IGSF21: variants seen among roughly 807,000 people sequenced by gnomAD.
IGSF21 encodes the protein immunoglobulin superfamily member 21.
In IGSF21, 28 loss-of-function variants were observed where a neutral mutation model predicts 46.8. The ratio of observed to expected loss-of-function variants is 0.60; its 90% CI spans 0.44 to 0.82. The LOEUF is 0.82. IGSF21 is among the 40% of genes least tolerant of loss of function. IGSF21 has a pLI of 0.00. For missense variants in IGSF21, 624 were observed against 665.5 expected, an observed-to-expected ratio of 0.94 and a Z score of 0.69; for synonymous variants, 284 against 273.6, an observed-to-expected ratio of 1.04 and a Z score of -0.38.
rs571506838 is a variant in IGSF21, at chr1:18,354,936, A to G, written c.425-7179A>G. On this transcript the variant is annotated intron_variant, in intron 4 of 9. Transcript: ENST00000251296. ...ACTTTGCTATCCTTACAGAAGGTTT[A>G]TGTTTATTTTCCATTTGCTTCTCAT... is the stretch of plus-strand genomic sequence containing the variant. Among the ~76,000 whole-genome samples the G allele has an allele frequency of 4.9e-5, 7 of 141,802 alleles. No homozygotes were observed. The South Asian group carries it at 1.6e-3, about 32-fold the overall frequency. 93.0% of individuals were successfully genotyped at this position (141,802 alleles called of 152,430 possible).
intron 2 of IGSF21, among the ~76,000 whole-genome samples, chr1:18,245,277 C>T (rs223173): frequency 0.96 from 146,035 of 152,292 alleles, 70,317 homozygotes; most frequent in East Asian, 1. Context: ...ATTAAATGCT[C>T]CTTAAAAATC....
At chr1:18,360,206 T>C (rs139854386) in intron 4 of IGSF21, among the ~76,000 whole-genome samples, 1 of 152,322 alleles carries the variant, frequency 6.6e-6, no homozygotes, top group Non-Finnish European at 1.5e-5. Context: ...TTCTAGGTAA[T>C]TGACGTGTTC....
At chr1:18,205,277 T>A (rs2124485695) in intron 1 of IGSF21, among the ~76,000 whole-genome samples, 1 of 152,280 alleles carries the variant, frequency 6.6e-6, no homozygotes, top group South Asian at 2.1e-4. Flanking sequence ...ACCTGGGTTA[T>A]TTTTTATTTT....
chr1:18,261,668 TG>T (rs1191575592), intron 2 of IGSF21, among the ~76,000 whole-genome samples: 1 of 152,250 alleles, frequency 6.6e-6, no homozygotes, highest in Non-Finnish European at 1.5e-5. Context: ...CTTGGCCCTC[TG>T]GGCCAGAACA....
In IGSF21 at chr1:18,334,906, G is replaced by T. The variant is rs139350650; in HGVS notation, c.320G>T (p.Arg107Leu). 6.2e-7 allele frequency: 1 copy of T among 1,613,932 alleles called. No individual in the cohort carries two copies. Among genetic ancestry groups the T allele is most frequent in the Non-Finnish European group, 8.5e-7 (1 of 1,179,876 alleles). Residue 107 changes from arginine to leucine, a missense_variant, in exon 4 of 10, where the codon CGG (arginine) becomes CTG (leucine). Physicochemically the swap from Arg to Leu is moderately radical, Grantham distance 102. Coordinates refer to ENST00000251296, the MANE Select transcript of IGSF21 (RefSeq NM_032880.5). The surrounding 1 kb of genome is among the most constrained non-coding windows in gnomAD (Gnocchi z 4.3). ...YQSTVRLPEV[R>L]ISDNGPYECH... ...GCCTCCCCCAGGCTGCCCGAGGTCC[G>T]GATCTCAGACAATGGTCCCTATGAG...
rs35912582 is a variant in IGSF21, at chr1:18,290,784, TC to T, written c.184-1076del. 1.3e-4 allele frequency among the ~76,000 whole-genome samples: 20 copies of T among 151,860 alleles called. No individual in the cohort carries two copies. Among genetic ancestry groups the T allele is most frequent in the Non-Finnish European group, 2.5e-4 (17 of 67,962 alleles). ...TTGCCTGGGGAAGCTGCTTTCAGCA[TC>T]CCCCCTACCCCAGCCCCTTGGAGTC... On this transcript the variant is annotated intron_variant, in intron 2 of 9. Coordinates refer to ENST00000251296, the MANE Select transcript of IGSF21 (RefSeq NM_032880.5). This position sits in a 1 kb window ranked among gnomAD's most constrained non-coding sequence, Gnocchi z 4.2.
chr1:18,319,365 A>C (rs139026929), intron 3 of IGSF21, among the ~76,000 whole-genome samples: 1,734 of 152,366 alleles, frequency 0.011, 22 homozygotes, highest in Admixed American at 0.02. Context: ...GAACTTAGTC[A>C]CATGGCCACC....
chr1:18,255,416 C>T (rs2084882779), intron 2 of IGSF21, among the ~76,000 whole-genome samples: 1 of 152,102 alleles, frequency 6.6e-6, no homozygotes, highest in Non-Finnish European at 1.5e-5. Flanking sequence ...GTGATTGGGA[C>T]AGACATGGAC....
At chr1:18,108,249 C>A (rs1016195912) in intron 1 of IGSF21, 51 bp downstream of exon 1, 60 of 1,311,708 alleles carry the variant, frequency 4.6e-5, no homozygotes, top group Non-Finnish European at 5.6e-5. Flanking sequence ...TGCGCGGGGA[C>A]GGGGTGCCGG....
At chr1:18,372,083 G>A (rs759248300) in intron 6 of IGSF21, among the ~76,000 whole-genome samples, 3 of 152,156 alleles carry the variant, frequency 2.0e-5, no homozygotes, top group African/African-American at 4.8e-5. Context: ...CAAACTCTGC[G>A]CATTCCCATC....
chr1:18,262,915 C>T (rs365057), intron 2 of IGSF21, among the ~76,000 whole-genome samples: 61,891 of 152,002 alleles, frequency 0.41, 13,817 homozygotes, highest in African/African-American at 0.6. Flanking sequence ...CACTGAATGC[C>T]GTGGGAATGG....
chr1:18,300,030 C>T (rs2085346149), intron 3 of IGSF21, among the ~76,000 whole-genome samples: 1 of 152,134 alleles, frequency 6.6e-6, no homozygotes, highest in Admixed American at 6.5e-5. Flanking sequence ...TTCAAAACCA[C>T]ACTGGGCAAA....
At chr1:18,225,113 ACACAC>A (rs1236382204) in intron 1 of IGSF21, among the ~76,000 whole-genome samples, 13 of 147,144 alleles carry the variant, frequency 8.8e-5, no homozygotes, top group Non-Finnish European at 1.6e-4. Context: ...ACACACACAC[ACACAC>A]ACACACACAC....
intron 2 of IGSF21, among the ~76,000 whole-genome samples, chr1:18,267,808 G>C (rs1055317756): frequency 6.6e-6 from 1 of 152,200 alleles, no homozygotes; most frequent in Admixed American, 6.5e-5. Flanking sequence ...CAGCCTGCAG[G>C]CCAACTCTGG....
chr1:18,191,578 G>A (rs979069055), intron 1 of IGSF21, among the ~76,000 whole-genome samples: 2 of 152,084 alleles, frequency 1.3e-5, no homozygotes, highest in Admixed American at 1.3e-4. Flanking sequence ...GGATACACGG[G>A]GTGTGTATCC....
chr1:18,211,109 T>G (rs989514831), intron 1 of IGSF21, among the ~76,000 whole-genome samples: 10 of 152,198 alleles, frequency 6.6e-5, no homozygotes, highest in Non-Finnish European at 1.0e-4. Context: ...TGTCCTCAAG[T>G]GATCCGCCCT....
At chr1:18,211,702 C>A (rs1407804379) in intron 1 of IGSF21, among the ~76,000 whole-genome samples, 3 of 152,094 alleles carry the variant, frequency 2.0e-5, no homozygotes, top group Non-Finnish European at 4.4e-5. Context: ...CTTATTAAGA[C>A]CAGTTTTATA....
intron 4 of IGSF21, among the ~76,000 whole-genome samples, chr1:18,351,738 T>C (rs1184658294): frequency 1.3e-5 from 2 of 152,194 alleles, no homozygotes; most frequent in Admixed American, 1.3e-4. Context: ...CTCTCAGATA[T>C]ATTGAAAACA....
chr1:18,187,352 T>C (rs1270575935), intron 1 of IGSF21, among the ~76,000 whole-genome samples: 2 of 152,180 alleles, frequency 1.3e-5, no homozygotes, highest in African/African-American at 4.8e-5. Flanking sequence ...GATAAAGACA[T>C]ACTCAAGACT....
Sources: gnomAD v4.1 joint callset for allele counts (sites outside exome capture counted in the v4.1 genomes callset) on GRCh38, gnomAD v4.1.1 for gene constraint, Gnocchi (gnomAD v3.1) non-coding constraint, MANE v1.5 for transcripts, NCBI Gene and HGNC (gene_info 2026-07-23, HGNC 2026-07-21) for gene names.